JAKMIP1: variants seen among roughly 807,000 people sequenced by gnomAD.
JAKMIP1 encodes janus kinase and microtubule interacting protein 1.
A neutral mutation model predicts 113.0 loss-of-function variants in JAKMIP1; 33 were observed. The ratio of observed to expected loss-of-function variants is 0.29; its 90% confidence interval spans 0.22 to 0.39. JAKMIP1 has a LOEUF of 0.39. Ranked by LOEUF, JAKMIP1 falls within the 10% of genes least tolerant of loss-of-function variation. The pLI is 1.00. For synonymous variants in JAKMIP1, 480 were observed against 459.9 expected (o/e 1.04, Z -0.56); for missense variants, 813 against 1,080.5 (o/e 0.75, Z 3.47).
chr4:6,160,127 G>C (rs1002932115), intron 1 of JAKMIP1, among the ~76,000 whole-genome samples: 1 of 152,138 alleles, frequency 6.6e-6, no homozygotes, highest in South Asian at 2.1e-4. Context: ...AAGTAAAAAA[G>C]AACTGAGGAA....
rs12501113 is a variant in JAKMIP1 at position 6,110,412 on chromosome 4, C to T, written c.129+2310G>A. ...ACTGTGAGACAGCAATCGTCTGTTG[C>T]GTAAGCCGCCCTATCTGTGGGACTT... On this transcript the variant is annotated intron_variant, in intron 2 of 20. Coordinates refer to ENST00000409021, the MANE Select transcript of JAKMIP1 (RefSeq NM_001099433.2). Among the ~76,000 whole-genome samples the T allele has an allele frequency of 2.8e-4, 43 of 151,592 alleles. 1 individual carries two copies. The highest frequency in any genetic ancestry group is 2.0e-3 in the Admixed American group (30 of 15,200).
At position 6,153,587 on chromosome 4, in the gene JAKMIP1, C is replaced by T. The variant is rs1226364606; in HGVS notation, c.-147-40590G>A. Among the ~76,000 whole-genome samples, 1 of 152,204 alleles carries T rather than the reference C, an allele frequency of 6.6e-6. No homozygotes were observed. Among genetic ancestry groups the T allele is most frequent in the Non-Finnish European group, 1.5e-5 (1 of 68,040 alleles). ...GCGCTGTAAGAGGGTGCACCTCAGA[C>T]AGCCCTGACAATCTGGAGAGAGAAC... On this transcript the variant is annotated intron_variant, in intron 1 of 20. Transcript: ENST00000409021. The surrounding 1 kb of genome is among the most constrained non-coding windows in gnomAD (Gnocchi z 4.9).
chr4:6,115,339 G>A (rs1578276675), intron 1 of JAKMIP1, among the ~76,000 whole-genome samples: 1 of 152,222 alleles, frequency 6.6e-6, no homozygotes. Context: ...GAACCTGGGA[G>A]GCGGAAGTTG....
chr4:6,196,545 G>A (rs555683818), intron 1 of JAKMIP1, among the ~76,000 whole-genome samples: 5 of 152,322 alleles, frequency 3.3e-5, no homozygotes, highest in African/African-American at 1.2e-4. Context: ...TGACGGTGAC[G>A]TGCTTCCATT....
At chr4:6,190,432 C>G (rs1241052691) in intron 1 of JAKMIP1, among the ~76,000 whole-genome samples, 1 of 152,000 alleles carries the variant, frequency 6.6e-6, no homozygotes, top group Non-Finnish European at 1.5e-5. Context: ...ACTTGCTCAT[C>G]CTACACTCTT....
In JAKMIP1 at chr4:6,086,851, G is replaced by A. The variant is rs1367538815; in HGVS notation, c.625-1222C>T. Among the ~76,000 whole-genome samples the A allele has an allele frequency of 6.6e-6, 1 of 152,086 alleles. No individual in the cohort carries two copies. Among genetic ancestry groups the A allele is most frequent in the African/African-American group, 2.4e-5 (1 of 41,410 alleles). ...AGGGGAAGGCCGTGTAAGGACGGAG[G>A]CAGAGGCTGGAGGGACACAGCCTCA... On this transcript the variant is annotated intron_variant, in intron 3 of 20. Transcript: ENST00000409021. This position sits in a 1 kb window ranked among gnomAD's most constrained non-coding sequence, Gnocchi z 4.1.
At chr4:6,144,139 G>C (rs1444662535) in intron 1 of JAKMIP1, among the ~76,000 whole-genome samples, 1 of 152,194 alleles carries the variant, frequency 6.6e-6, no homozygotes, top group Non-Finnish European at 1.5e-5. Flanking sequence ...GTGCAAATCT[G>C]ATGCAAATTG....
At chr4:6,169,188 T>C (rs1724023639) in intron 1 of JAKMIP1, among the ~76,000 whole-genome samples, 1 of 152,238 alleles carries the variant, frequency 6.6e-6, no homozygotes, top group Non-Finnish European at 1.5e-5. Context: ...GGTTGAATAG[T>C]GCTTCCCCCA....
intron 1 of JAKMIP1, among the ~76,000 whole-genome samples, chr4:6,146,693 T>C (rs1720900399): frequency 6.6e-6 from 1 of 152,196 alleles, no homozygotes; most frequent in Non-Finnish European, 1.5e-5. Context: ...AGATGGTCAA[T>C]GTTATGTTAC....
Position 6,187,226 on chromosome 4 carries a change from T to C in JAKMIP1, c.-148+13027A>G, listed in dbSNP as rs1726749072. Among the ~76,000 whole-genome samples, 1 of 152,244 alleles carries C rather than the reference T, an allele frequency of 6.6e-6. No individual in the cohort carries two copies. Among genetic ancestry groups the C allele is most frequent in the African/African-American group, 2.4e-5 (1 of 41,464 alleles). Reference sequence around the variant, plus strand: ...TATATTTCTGATGTATTGAACTTCTTGTCATTATAAAATGTTACTTTTTAT... The same window carrying C: ...TATATTTCTGATGTATTGAACTTCTCGTCATTATAAAATGTTACTTTTTAT... On this transcript the variant is annotated intron_variant, in intron 1 of 20. Coordinates refer to ENST00000409021, the MANE Select transcript of JAKMIP1 (RefSeq NM_001099433.2). The surrounding 1 kb of genome is among the most constrained non-coding windows in gnomAD (Gnocchi z 4.2).
intron 1 of JAKMIP1, among the ~76,000 whole-genome samples, chr4:6,118,250 C>T (rs182200434): frequency 1.3e-5 from 2 of 152,336 alleles, no homozygotes; most frequent in East Asian, 3.9e-4. Context: ...TCAGCCGGTC[C>T]CTCCGTTTGG....
rs765921015 is a variant in JAKMIP1, at chr4:6,056,751, C to T, written c.1653G>A (p.Lys551=). Residue 551 remains lysine (K), a synonymous_variant, in exon 12 of 21, where the codon AAG becomes AAA. Transcript: ENST00000409021. The stretch of plus-strand genomic sequence containing the variant: ...TGAGCAGCTGCTTCTCTTCAACCCA[C>T]TTGGAATCCTAAGGAAAAGTACTAA... The part of the protein sequence containing the change: ...KLLVEKGQDS[K]WVEEKQLLIR... 6.2e-7 allele frequency: 1 copy of T among 1,612,110 alleles called. No individual in the cohort carries two copies. Among genetic ancestry groups the T allele is most frequent in the Non-Finnish European group, 8.5e-7 (1 of 1,178,504 alleles).
In JAKMIP1 at chr4:6,143,377, G is replaced by C. The variant is rs926223738; in HGVS notation, c.-147-30380C>G. On this transcript the variant is annotated intron_variant, in intron 1 of 20. Transcript: ENST00000409021. This position sits in a 1 kb window ranked among gnomAD's most constrained non-coding sequence, Gnocchi z 4.9. ...CCTCCTTTGCCATCAGCAAGGCCTC[G>C]AAACTCAGCTGCCACCAACTCCTCT... Among the ~76,000 whole-genome samples, 2 of 152,126 alleles carry C rather than the reference G, an allele frequency of 1.3e-5. No homozygotes were observed. The highest frequency in any genetic ancestry group is 2.9e-5 in the Non-Finnish European group (2 of 68,008).
chr4:6,071,039 G>A lies in JAKMIP1; in HGVS notation c.1303-6031C>T, dbSNP rs573826964. On this transcript the variant is annotated intron_variant, in intron 8 of 20. Transcript: ENST00000409021. ...GACAGATACCAAAGCAATATTAAAG[G>A]GCAATGGATAATTCATAAAAGAAAT... Among the ~76,000 whole-genome samples the A allele has an allele frequency of 2.9e-3, 446 of 152,208 alleles. 2 individuals are homozygous for A. Among genetic ancestry groups the A allele is most frequent in the Non-Finnish European group, 5.2e-3 (354 of 68,004 alleles).
chr4:6,112,615 CT>C (rs1291647143), intron 2 of JAKMIP1, 106 bp downstream of exon 2: 2 of 1,375,748 alleles, frequency 1.5e-6, no homozygotes, highest in Non-Finnish European at 2.0e-6. Flanking sequence ...AGTGCCCCCC[CT>C]CGGCCCCCCT....
At position 6,153,952 on chromosome 4, in the gene JAKMIP1, G is replaced by A. The variant is rs762656916; in HGVS notation, c.-147-40955C>T. On this transcript the variant is annotated intron_variant, in intron 1 of 20. Transcript: ENST00000409021. The surrounding 1 kb of genome is among the most constrained non-coding windows in gnomAD (Gnocchi z 4.9). ...AGGCCCCTTTTGGCTGGGAAAGTCT[G>A]GATCCTGCCTCTTACTTGTCACAGA... Among the ~76,000 whole-genome samples, 3 of 152,184 alleles carry A rather than the reference G, an allele frequency of 2.0e-5. No homozygotes were observed. The highest frequency in any genetic ancestry group is 4.4e-5 in the Non-Finnish European group (3 of 68,042).
chr4:6,145,974 C>T lies in JAKMIP1; in HGVS notation c.-147-32977G>A, dbSNP rs113996618. Among the ~76,000 whole-genome samples the T allele has an allele frequency of 6.2e-3, 947 of 152,196 alleles. 8 individuals are homozygous for T. The highest frequency in any genetic ancestry group is 0.021 in the African/African-American group (878 of 41,518). On this transcript the variant is annotated intron_variant, in intron 1 of 20. Coordinates refer to ENST00000409021, the MANE Select transcript of JAKMIP1 (RefSeq NM_001099433.2). ...TCTGAGGTACTGAGGATGAAGGCTT[C>T]GACATAGGAACTTTGGGGGGACACA...
intron 16 of JAKMIP1, 87 bp downstream of exon 16, chr4:6,048,770 G>T: frequency 8.8e-7 from 1 of 1,133,632 alleles, no homozygotes; most frequent in Non-Finnish European, 1.3e-6. Flanking sequence ...ATGCTCCCAC[G>T]CAAAGCAAGA....
In JAKMIP1 at chr4:6,185,703, G is replaced by C. The variant is rs1726583519; in HGVS notation, c.-148+14550C>G. 6.6e-6 allele frequency among the ~76,000 whole-genome samples: 1 copy of C among 152,142 alleles called. No homozygotes were observed. Among genetic ancestry groups the C allele is most frequent in the South Asian group, 2.1e-4 (1 of 4,832 alleles). ...AGTCCCTGATCCAGGAGATCAGGGT[G>C]GGGCCAGAGGACCTGTGGTTCTGAG... On this transcript the variant is annotated intron_variant, in intron 1 of 20. Transcript: ENST00000409021. This position sits in a 1 kb window ranked among gnomAD's most constrained non-coding sequence, Gnocchi z 5.3.
Sources: gnomAD v4.1 joint callset for allele counts (sites outside exome capture counted in the v4.1 genomes callset) on GRCh38, gnomAD v4.1.1 for gene constraint, Gnocchi (gnomAD v3.1) non-coding constraint, MANE v1.5 for transcripts, NCBI Gene and HGNC (gene_info 2026-07-23, HGNC 2026-07-21) for gene names.